LIPA: variants seen among roughly 807,000 people sequenced by gnomAD.
The protein encoded by LIPA is lysosomal acid lipase/cholesteryl ester hydrolase.
LIPA carries 26 observed loss-of-function variants against 40.6 expected under a neutral mutation model. That is an observed-to-expected ratio of 0.64 (90% confidence interval 0.47 to 0.89). The LOEUF (loss-of-function observed/expected upper bound fraction) is 0.89, where lower values mean the gene tolerates loss of function less well. LIPA is among the 40% of genes least tolerant of loss of function. The probability of loss-of-function intolerance (pLI) is 0.00; values close to 1 mark genes in which losing one functional copy is unlikely to be tolerated. For synonymous variants in LIPA, 188 were observed against 168.4 expected (o/e 1.12, Z -0.90); for missense variants, 455 against 479.6 (o/e 0.95, Z 0.48).
At chr10:89,400,264 C>G (rs2133625545) in intron 2 of LIPA, among the ~76,000 whole-genome samples, 1 of 152,234 alleles carries the variant, frequency 6.6e-6, no homozygotes, top group East Asian at 1.9e-4. Context: ...TTTGAGATCC[C>G]TTGACATTTC....
At chr10:89,360,113 A>G (rs1844013415) in intron 2 of LIPA, among the ~76,000 whole-genome samples, 1 of 152,196 alleles carries the variant, frequency 6.6e-6, no homozygotes, top group Non-Finnish European at 1.5e-5. Context: ...TCTGCTTCCT[A>G]ATCATAAAAC....
chr10:89,406,253 G>A (rs1447711575), intron 2 of LIPA: 1 of 152,220 alleles, frequency 6.6e-6, no homozygotes, highest in African/African-American at 2.4e-5. Flanking sequence ...GGGTTGGGTG[G>A]GGACTTGGAG....
intron 2 of LIPA, among the ~76,000 whole-genome samples, chr10:89,357,866 A>G (rs1394903008): frequency 6.6e-6 from 1 of 152,228 alleles, no homozygotes; most frequent in African/African-American, 2.4e-5. Context: ...ATGTTAGGAA[A>G]TATAAAACCT....
chr10:89,383,754 G>T (rs369800890), intron 2 of LIPA: 31 of 1,614,054 alleles, frequency 1.9e-5, no homozygotes, highest in Non-Finnish European at 2.1e-5. Flanking sequence ...AGGAAGGATG[G>T]GCCTTGGCGA....
At chr10:89,358,488 G>C (rs984349793) in intron 2 of LIPA, among the ~76,000 whole-genome samples, 5 of 152,122 alleles carry the variant, frequency 3.3e-5, no homozygotes, top group African/African-American at 9.7e-5. Flanking sequence ...ATGTTCATTG[G>C]AGCACCATTC....
At chr10:89,267,415 C>A (rs1843242015) in intron 1 of LIPA, among the ~76,000 whole-genome samples, 1 of 152,102 alleles carries the variant, frequency 6.6e-6, no homozygotes, top group Non-Finnish European at 1.5e-5. Context: ...CTGCTCCAGG[C>A]AGTCCCAGCA....
At chr10:89,383,849 C>T in intron 2 of LIPA, 1 of 1,614,226 alleles carries the variant, frequency 6.2e-7, no homozygotes, top group Admixed American at 1.7e-5. Flanking sequence ...GAATTCAATA[C>T]TGGGTACGCA....
intron 2 of LIPA, among the ~76,000 whole-genome samples, chr10:89,394,610 AT>A (rs1181192364): frequency 3.5e-4 from 7 of 19,732 alleles, no homozygotes; most frequent in Admixed American, 2.1e-3. Context: ...ATATATATAT[AT>A]ATATATATAT....
chr10:89,257,249 T>C (rs914536438), intron 1 of LIPA, among the ~76,000 whole-genome samples: 1 of 152,260 alleles, frequency 6.6e-6, no homozygotes, highest in African/African-American at 2.4e-5. Context: ...ACTCCCTTTA[T>C]GGCCTTCCAT....
At chr10:89,365,936 T>A (rs1844053751) in intron 2 of LIPA, among the ~76,000 whole-genome samples, 1 of 152,350 alleles carries the variant, frequency 6.6e-6, no homozygotes, top group South Asian at 2.1e-4. Flanking sequence ...CAATGCGGGC[T>A]CTTTTTTGGT....
At chr10:89,413,573 C>T (rs1841495496) in intron 1 of LIPA, among the ~76,000 whole-genome samples, 1 of 152,006 alleles carries the variant, frequency 6.6e-6, no homozygotes, top group South Asian at 2.1e-4. Context: ...TGGAGACCAG[C>T]CTGGGCAACA....
At chr10:89,300,880 G>A (rs145661527) in intron 1 of LIPA, among the ~76,000 whole-genome samples, 7 of 152,114 alleles carry the variant, frequency 4.6e-5, no homozygotes, top group East Asian at 3.8e-4. Context: ...CCAGCTACTC[G>A]AGAGGCTGAG....
intron 1 of LIPA, among the ~76,000 whole-genome samples, chr10:89,287,390 A>C (rs1477816526): frequency 6.6e-6 from 1 of 152,134 alleles, no homozygotes; most frequent in Non-Finnish European, 1.5e-5. Flanking sequence ...TCTGATGCCA[A>C]CTTGGACAAC....
At chr10:89,309,212 C>G (rs1176529191) in intron 1 of LIPA, 1 of 152,170 alleles carries the variant, frequency 6.6e-6, no homozygotes, top group Non-Finnish European at 1.5e-5. Context: ...AAATTTTGTG[C>G]TTTCATCACA....
chr10:89,225,563 C>T (rs1236891071), intron 5 of LIPA, among the ~76,000 whole-genome samples: 2 of 152,096 alleles, frequency 1.3e-5, no homozygotes, highest in African/African-American at 4.8e-5. Flanking sequence ...AGAGCCTCAC[C>T]CCATCACCTT....
upstream of LIPA, chr10:89,252,030 C>T (rs1032418250): frequency 6.6e-6 from 1 of 152,294 alleles, no homozygotes; most frequent in African/African-American, 2.4e-5. Context: ...GCTGGCAGGT[C>T]CACAGCTCTA....
At chr10:89,326,474 TG>T (rs535476681) in intron 1 of LIPA, among the ~76,000 whole-genome samples, 99 of 152,172 alleles carry the variant, frequency 6.5e-4, no homozygotes, top group Non-Finnish European at 1.2e-3. Context: ...GGATGGTTAA[TG>T]GGTACAAAAA....
intron 1 of LIPA, among the ~76,000 whole-genome samples, chr10:89,261,420 G>A (rs545272686): frequency 1.3e-5 from 2 of 152,262 alleles, no homozygotes; most frequent in African/African-American, 4.8e-5. Context: ...CAGGAGAATC[G>A]CTTGAACCCG....
intron 2 of LIPA, among the ~76,000 whole-genome samples, chr10:89,398,753 A>G (rs1010066464): frequency 6.6e-6 from 1 of 152,172 alleles, no homozygotes; most frequent in Non-Finnish European, 1.5e-5. Flanking sequence ...TGTATATACC[A>G]CATTTTGTTT....
Sources: allele counts gnomAD v4.1 joint callset (sites outside exome capture counted in the v4.1 genomes callset), GRCh38; gene constraint gnomAD v4.1.1; transcripts MANE v1.5; gene names NCBI Gene and HGNC (gene_info 2026-07-23, HGNC 2026-07-21).